Variants in USP2 observed in about 807,000 individuals in gnomAD.
USP2 encodes the protein ubiquitin specific peptidase 2.
In USP2, 33 loss-of-function variants were observed where a neutral mutation model predicts 72.0. The observed-to-expected ratio is 0.46, with a 90% confidence interval of 0.35 to 0.61. The LOEUF (loss-of-function observed/expected upper bound fraction) is 0.61. USP2 is among the 20% of genes least tolerant of loss of function. The probability of loss-of-function intolerance (pLI) is 0.01; values close to 1 mark genes in which losing one functional copy is unlikely to be tolerated. For missense variants in USP2, 691 were observed against 797.8 expected (o/e 0.87, Z 1.61); for synonymous variants, 296 against 312.5 (o/e 0.95, Z 0.56).
chr11:119,373,568 G>T, intron 1 of USP2, 47 bp from the exon 2 acceptor site: 1 of 1,446,026 alleles, frequency 6.9e-7, no homozygotes. Context: ...CCAGGTGTCG[G>T]GCTCCCACAG....
chr11:119,357,101 G>A (rs1950672807), intron 12 of USP2, 86 bp downstream of exon 12: 1 of 1,355,884 alleles, frequency 7.4e-7, no homozygotes, highest in Non-Finnish European at 9.9e-7. Context: ...GGGGGTGGGA[G>A]GGGGGTGGGT....
rs969787816 is a variant in USP2, at chr11:119,355,946, G to C, written c.*889C>G. On this transcript the variant is annotated 3_prime_UTR_variant, in exon 13 of 13. Coordinates refer to ENST00000260187, the MANE Select transcript of USP2 (RefSeq NM_004205.5). The stretch of plus-strand genomic sequence containing the variant: ...GGTTTGAACAGAGCACTGGGGAAAA[G>C]GGAAGAGGCTGAGGGATATTTCAGG... The C allele has an allele frequency of 2.0e-5, 3 of 151,946 alleles. No individual in the cohort carries two copies. The highest frequency in any genetic ancestry group is 2.9e-5 in the Non-Finnish European group (2 of 68,018). The allele number at this position is 151,946 out of a possible 1,614,324, so 9.4% of individuals were successfully genotyped here.
At chr11:119,365,685 C>T (rs1950842546) in intron 2 of USP2, among the ~76,000 whole-genome samples, 1 of 152,198 alleles carries the variant, frequency 6.6e-6, no homozygotes, top group Non-Finnish European at 1.5e-5. Context: ...GGTAGCCTTT[C>T]TCTAAGGCTG....
At chr11:119,363,760 T>C in intron 2 of USP2, 1 of 1,065,412 alleles carries the variant, frequency 9.4e-7, no homozygotes, top group South Asian at 2.4e-5. Flanking sequence ...ATCCGTCCCC[T>C]CACCTAGGGG....
In USP2 at chr11:119,381,598, C is replaced by G. The variant is rs772556367; in HGVS notation, c.-167G>C. Reference sequence around the variant, plus strand: ...CGAAGAGGGCTCCCCGGCCTCGGCTCCTGCCTGACTCTCTCCCACCTCCGC... The same window carrying G: ...CGAAGAGGGCTCCCCGGCCTCGGCTGCTGCCTGACTCTCTCCCACCTCCGC... On this transcript the variant is annotated 5_prime_UTR_variant, in exon 1 of 13. Coordinates refer to ENST00000260187, the MANE Select transcript of USP2 (RefSeq NM_004205.5). 2 of 1,511,692 alleles carry G rather than the reference C, an allele frequency of 1.3e-6. No homozygotes were observed. The highest frequency in any genetic ancestry group is 2.8e-5 in the African/African-American group (2 of 72,536). The allele number at this position is 1,511,692 out of a possible 1,614,324, so 93.6% of individuals were successfully genotyped here.
intron 2 of USP2, 193 bp from the exon 3 acceptor site, chr11:119,360,427 CTT>C (rs1275012607): frequency 3.9e-3 from 2,178 of 561,942 alleles, no homozygotes; most frequent in East Asian, 5.8e-3. Flanking sequence ...CTTTTCTTTT[CTT>C]TTTTTTTTTT....
At chr11:119,370,465 C>A (rs927043282) in intron 2 of USP2, among the ~76,000 whole-genome samples, 48 of 152,312 alleles carry the variant, frequency 3.2e-4, no homozygotes, top group African/African-American at 1.2e-3. Flanking sequence ...CTGAGCACCA[C>A]AAATGAGTGC....
chr11:119,364,766 C>T (rs903913614), intron 2 of USP2, among the ~76,000 whole-genome samples: 5 of 152,138 alleles, frequency 3.3e-5, no homozygotes, highest in African/African-American at 1.2e-4. Flanking sequence ...GCTGAGCTGC[C>T]CTCCTCAAAA....
At chr11:119,378,390 A>G (rs1357612385) in intron 1 of USP2, among the ~76,000 whole-genome samples, 1 of 152,138 alleles carries the variant, frequency 6.6e-6, no homozygotes, top group Non-Finnish European at 1.5e-5. Flanking sequence ...CTCAGGCCCC[A>G]GGGCCTGGGC....
intron 12 of USP2, 42 bp from the exon 13 acceptor site, chr11:119,356,964 G>T: frequency 6.5e-7 from 1 of 1,544,866 alleles, no homozygotes; most frequent in Non-Finnish European, 8.7e-7. Context: ...GGGCAGGACC[G>T]GGAGACCCCC....
At chr11:119,368,883 GC>G (rs1950889713) in intron 2 of USP2, among the ~76,000 whole-genome samples, 4 of 152,360 alleles carry the variant, frequency 2.6e-5, no homozygotes, top group Admixed American at 2.6e-4. Flanking sequence ...GAATGCCAGG[GC>G]TAGGGAGGAG....
chr11:119,356,778 A>G lies in USP2; in HGVS notation c.*57T>C, dbSNP rs1950660036. 6.8e-7 allele frequency: 1 copy of G among 1,468,266 alleles called. No individual in the cohort carries two copies. Among genetic ancestry groups the G allele is most frequent in the African/African-American group, 1.4e-5 (1 of 69,836 alleles). The allele number at this position is 1,468,266 out of a possible 1,614,324, so 91.0% of individuals were successfully genotyped here. A position where few individuals can be genotyped will look rare whatever the true frequency, so the allele number is the denominator to read the frequency against. ...TTGTTGTTTTGTTTTTGTCTTTTTA[A>G]AAAATTTAGGGAGCGGGGCCACCAC... On this transcript the variant is annotated 3_prime_UTR_variant, in exon 13 of 13. Coordinates refer to ENST00000260187, the MANE Select transcript of USP2 (RefSeq NM_004205.5).
chr11:119,361,784 A>G (rs532910817), intron 2 of USP2, among the ~76,000 whole-genome samples: 1 of 152,260 alleles, frequency 6.6e-6, no homozygotes, highest in South Asian at 2.1e-4. Context: ...ACCTGCAGCT[A>G]GAGAGAAAGG....
intron 12 of USP2, 80 bp downstream of exon 12, chr11:119,357,107 T>TGGAGTTTGGG: frequency 1.9e-6 from 1 of 523,054 alleles, no homozygotes; most frequent in Non-Finnish European, 2.4e-6. Context: ...GGGAGGGGGG[T>TGGAGTTTGGG]GGGTTTGGGG....
chr11:119,372,783 C>T lies in USP2; in HGVS notation c.698G>A (p.Arg233His), dbSNP rs752965596. 22 of 1,591,538 alleles carry T rather than the reference C, an allele frequency of 1.4e-5. No homozygotes were observed. The highest frequency in any genetic ancestry group is 1.1e-4 in the East Asian group (5 of 44,842). The change falls in exon 2 of 13, where the codon CGC (arginine) becomes CAC (histidine). Residue 233 changes from arginine (R) to histidine (H), a missense_variant. Physicochemically the swap from Arg to His is conservative, Grantham distance 29. Transcript: ENST00000260187. ...CTTTCCCGTCTCCCACAGCGTGTAG[C>T]GGCCAATGGGTCGGTAGGTTGGGCT... The part of the protein sequence containing the change: ...IISPTYRPIG[R>H]YTLWETGKGQ...
intron 2 of USP2, among the ~76,000 whole-genome samples, chr11:119,370,658 C>A (rs186585309): frequency 2.9e-4 from 44 of 152,274 alleles, no homozygotes; most frequent in Non-Finnish European, 5.0e-4. Context: ...GTACTATTGA[C>A]CCTGGAGAGG....
intron 2 of USP2, chr11:119,364,179 C>A: frequency 8.4e-7 from 1 of 1,186,710 alleles, no homozygotes; most frequent in Non-Finnish European, 1.0e-6. Flanking sequence ...GCCAACAGCC[C>A]GGGTCCCGGC....
At position 119,358,009 on chromosome 11, in the gene USP2, T is replaced by C; in HGVS notation, c.1394A>G (p.Glu465Gly). The change falls in exon 9 of 13, where the codon GAG (glutamate) becomes GGG (glycine). Residue 465 changes from glutamate (E) to glycine (G), a missense_variant. Coordinates refer to ENST00000260187, the MANE Select transcript of USP2 (RefSeq NM_004205.5). ...LMDCMRLFTK[E>G]DVLDGDEKPT... ...CTTTTCATCTCCATCAAGCACATCC[T>C]CTTTGGTGAAGAGCCTCATGCAGTC... The C allele has an allele frequency of 6.2e-7, 1 of 1,614,158 alleles. No individual in the cohort carries two copies. The highest frequency in any genetic ancestry group is 8.5e-7 in the Non-Finnish European group (1 of 1,180,038).
At chr11:119,362,697 A>G (rs1309320425) in intron 2 of USP2, among the ~76,000 whole-genome samples, 1 of 152,180 alleles carries the variant, frequency 6.6e-6, no homozygotes, top group Non-Finnish European at 1.5e-5. Flanking sequence ...GTCGACAGGG[A>G]GAAAGGGGCC....
Sources: allele counts gnomAD v4.1 joint callset (sites outside exome capture counted in the v4.1 genomes callset), GRCh38; gene constraint gnomAD v4.1.1; transcripts MANE v1.5; gene names NCBI Gene and HGNC (gene_info 2026-07-23, HGNC 2026-07-21).